RGS7: variants seen among roughly 807,000 people sequenced by gnomAD.
RGS7 encodes the protein regulator of G protein signaling 7.
Under a neutral mutation model 81.1 loss-of-function variants are expected in RGS7, and 27 were observed. The ratio of observed to expected loss-of-function variants is 0.33; its 90% CI spans 0.25 to 0.46. RGS7 has a LOEUF of 0.46. RGS7 is among the 20% of genes least tolerant of loss of function. The probability of loss-of-function intolerance (pLI) is 1.00; values close to 1 mark genes in which losing one functional copy is unlikely to be tolerated. For missense variants in RGS7, 396 were observed against 607.4 expected, an observed-to-expected ratio of 0.65 and a Z score of 3.66; for synonymous variants, 208 against 207.7, an observed-to-expected ratio of 1.00 and a Z score of -0.01.
chr1:241,205,028 A>T (rs567099818), intron 2 of RGS7, among the ~76,000 whole-genome samples: 1 of 151,942 alleles, frequency 6.6e-6, no homozygotes, highest in East Asian at 1.9e-4. Context: ...TGGTCATAAA[A>T]TTCAAGGATC....
intron 2 of RGS7, among the ~76,000 whole-genome samples, chr1:241,225,239 G>C (rs1345302838): frequency 6.6e-6 from 1 of 152,060 alleles, no homozygotes; most frequent in Non-Finnish European, 1.5e-5. Flanking sequence ...ACTTATAAGT[G>C]AGAACATGTG....
chr1:241,084,079 T>A (rs1282530738), intron 3 of RGS7, among the ~76,000 whole-genome samples: 1 of 152,222 alleles, frequency 6.6e-6, no homozygotes, highest in African/African-American at 2.4e-5. Flanking sequence ...AACAATTAAA[T>A]GCAGACTGTC....
chr1:241,219,304 G>A (rs2147975629), intron 2 of RGS7, among the ~76,000 whole-genome samples: 1 of 152,244 alleles, frequency 6.6e-6, no homozygotes, highest in Middle Eastern at 3.4e-3. Context: ...TTTAAAAAGA[G>A]GAGTTTCCCT....
intron 3 of RGS7, among the ~76,000 whole-genome samples, chr1:241,058,153 C>T (rs1423037628): frequency 6.6e-6 from 1 of 152,154 alleles, no homozygotes; most frequent in Admixed American, 6.5e-5. Flanking sequence ...AGGATTTGGG[C>T]AAATGGGCTC....
chr1:240,939,038 A>G (rs1677118718), intron 4 of RGS7, among the ~76,000 whole-genome samples: 1 of 152,212 alleles, frequency 6.6e-6, no homozygotes, highest in South Asian at 2.1e-4. Flanking sequence ...CCATCTATTA[A>G]TAAAGGTCAT....
chr1:241,292,880 C>G (rs541423506), intron 2 of RGS7, among the ~76,000 whole-genome samples: 5 of 152,150 alleles, frequency 3.3e-5, no homozygotes, highest in Non-Finnish European at 7.4e-5. Context: ...AAATTATTTA[C>G]GACACAAATC....
At chr1:241,216,110 A>G (rs2074538331) in intron 2 of RGS7, among the ~76,000 whole-genome samples, 1 of 151,990 alleles carries the variant, frequency 6.6e-6, no homozygotes, top group African/African-American at 2.4e-5. Flanking sequence ...TCTCTATTAA[A>G]ATATAAAAAA....
At chr1:240,962,877 C>T (rs1681689199) in intron 4 of RGS7, among the ~76,000 whole-genome samples, 1 of 152,076 alleles carries the variant, frequency 6.6e-6, no homozygotes, top group African/African-American at 2.4e-5. Context: ...GTGATCTGAG[C>T]AGATGCAATG....
rs3052437 is a variant in RGS7 at position 241,306,128 on chromosome 1, T to TCACACA, written c.78+49565_78+49570dup. Among the ~76,000 whole-genome samples the TCACACA allele has an allele frequency of 3.8e-3, 572 of 149,768 alleles. 3 individuals are homozygous for TCACACA. The highest frequency in any genetic ancestry group is 0.013 in the African/African-American group (547 of 40,576). Reference sequence around the variant, plus strand: ...CTATATTCTTTCTCTCATCTCTTTTTCACACACACACACACACACACTCAC... The same window carrying TCACACA: ...CTATATTCTTTCTCTCATCTCTTTTTCACACACACACACACACACACACACACTCAC... On this transcript the variant is annotated intron_variant, in intron 2 of 18. Transcript: ENST00000440928.
intron 9 of RGS7, among the ~76,000 whole-genome samples, chr1:240,846,065 T>C (rs58239054): frequency 0.016 from 2,384 of 152,292 alleles, 57 homozygotes; most frequent in African/African-American, 0.053. Context: ...TATTAATTTA[T>C]TCATGAATTC....
At chr1:240,982,247 C>T in intron 4 of RGS7, among the ~76,000 whole-genome samples, 1 of 151,770 alleles carries the variant, frequency 6.6e-6, no homozygotes, top group East Asian at 1.9e-4. Context: ...TGGTGAAACC[C>T]CGACTCTACT....
At chr1:241,191,663 T>C (rs551203645) in intron 2 of RGS7, among the ~76,000 whole-genome samples, 2 of 152,324 alleles carry the variant, frequency 1.3e-5, no homozygotes, top group Admixed American at 1.3e-4. Context: ...TGGAAGAGAT[T>C]GTGAATTGGT....
chr1:240,880,327 C>T (rs1666156813), intron 6 of RGS7, among the ~76,000 whole-genome samples: 1 of 152,238 alleles, frequency 6.6e-6, no homozygotes, highest in Admixed American at 6.5e-5. Flanking sequence ...AGGCGTGGGC[C>T]ATCGCTCCTG....
intron 3 of RGS7, among the ~76,000 whole-genome samples, chr1:241,089,055 CTCTCTCTCTATATA>C (rs1305195642): frequency 4.4e-4 from 23 of 51,722 alleles, no homozygotes; most frequent in East Asian, 7.2e-4. Context: ...CTCTCTCTCT[CTCTCTCTCTATATA>C]TATATATATA....
intron 2 of RGS7, among the ~76,000 whole-genome samples, chr1:241,269,639 G>C (rs2077766872): frequency 6.6e-6 from 1 of 152,166 alleles, no homozygotes; most frequent in South Asian, 2.1e-4. Flanking sequence ...GAAAAAGAAG[G>C]AGACAAATTG....
Position 241,080,201 on chromosome 1 carries a change from G to A in RGS7, c.175+18465C>T, listed in dbSNP as rs191717646. 3.9e-3 allele frequency among the ~76,000 whole-genome samples: 590 copies of A among 151,494 alleles called. 4 individuals carry two copies. Among genetic ancestry groups the A allele is most frequent in the African/African-American group, 0.014 (571 of 41,294 alleles). On this transcript the variant is annotated intron_variant, in intron 3 of 18. Coordinates refer to ENST00000440928, the MANE Select transcript of RGS7 (RefSeq NM_001364886.1). ...GATAATGATCTTAAATTTAAAGGAT[G>A]AGGCATGAAAAAAACAATTAATAAA...
intron 6 of RGS7, among the ~76,000 whole-genome samples, chr1:240,928,845 A>C (rs962718101): frequency 3.9e-5 from 6 of 152,108 alleles, no homozygotes; most frequent in Non-Finnish European, 8.8e-5. Flanking sequence ...TCTTGATCTC[A>C]GGTGATCTGC....
intron 2 of RGS7, among the ~76,000 whole-genome samples, chr1:241,350,538 G>C (rs754070671): frequency 1.3e-5 from 2 of 151,966 alleles, no homozygotes; most frequent in Non-Finnish European, 2.9e-5. Flanking sequence ...TCTTTGTCTT[G>C]TTGTCCCTTG....
chr1:241,222,461 A>G (rs974286309), intron 2 of RGS7, among the ~76,000 whole-genome samples: 3 of 152,218 alleles, frequency 2.0e-5, no homozygotes, highest in Non-Finnish European at 2.9e-5. Context: ...GACTGAGACC[A>G]GAGTTAAAAG....
Sources: allele counts gnomAD v4.1 joint callset (sites outside exome capture counted in the v4.1 genomes callset), GRCh38; gene constraint gnomAD v4.1.1; transcripts MANE v1.5; gene names NCBI Gene and HGNC (gene_info 2026-07-23, HGNC 2026-07-21).